The following EIF4B variants were observed in gnomAD, a reference collection of about 807,000 sequenced individuals.
EIF4B encodes the protein eukaryotic translation initiation factor 4B.
Under a neutral mutation model 79.3 loss-of-function variants are expected in EIF4B, and 8 were observed. That is an observed-to-expected ratio of 0.10 (90% CI 0.06 to 0.18). The LOEUF (loss-of-function observed/expected upper bound fraction) is 0.18, where lower values mean the gene tolerates loss of function less well. Among genes scored for constraint, EIF4B ranks in the 10% least tolerant of loss-of-function variants. The probability of loss-of-function intolerance (pLI) is 1.00; values close to 1 mark genes in which losing one functional copy is unlikely to be tolerated. For missense variants in EIF4B, 515 were observed against 792.4 expected, an observed-to-expected ratio of 0.65 and a Z score of 4.20; for synonymous variants, 238 against 274.7, an observed-to-expected ratio of 0.87 and a Z score of 1.32.
intron 10 of EIF4B, 114 bp from the exon 11 acceptor site, chr12:53,037,295 C>G (rs1029700810): frequency 6.1e-6 from 7 of 1,147,390 alleles, no homozygotes; most frequent in Admixed American, 2.4e-5. Flanking sequence ...AGGGATAAAT[C>G]CATCTTTGGG....
chr12:53,022,243 A>G (rs1275930982), intron 5 of EIF4B: 3 of 690,088 alleles, frequency 4.3e-6, no homozygotes, highest in South Asian at 1.5e-5. Context: ...CCTAATTTGT[A>G]TATGTTTCAG....
chr12:53,019,450 C>CTTTTTTTTTTTTTTTTTTTTTT lies in EIF4B; in HGVS notation c.360+447_361-436dup. On this transcript the variant is annotated intron_variant, in intron 3 of 14. Coordinates refer to ENST00000262056, the MANE Select transcript of EIF4B (RefSeq NM_001417.7). ...ATATATATATATATTTTTTTTTTTT[C>CTTTTTTTTTTTTTTTTTTTTTT]TTTTTTTTTTTTTTTTTTTTTTTTG... 9.1e-4 allele frequency among the ~76,000 whole-genome samples: 60 copies of CTTTTTTTTTTTTTTTTTTTTTT among 66,002 alleles called. 6 individuals carry two copies. The highest frequency in any genetic ancestry group is 1.4e-3 in the Non-Finnish European group (45 of 31,888). The allele number at this position is 66,002 out of a possible 152,430, so 43.3% of individuals were successfully genotyped here.
chr12:53,011,433 G>A (rs1262896879), intron 1 of EIF4B, among the ~76,000 whole-genome samples: 1 of 152,106 alleles, frequency 6.6e-6, no homozygotes, highest in African/African-American at 2.4e-5. Context: ...ATGGTTCTCA[G>A]CTAAGGGACA....
chr12:53,032,086 A>G (rs1036189060), intron 8 of EIF4B, among the ~76,000 whole-genome samples: 6 of 152,188 alleles, frequency 3.9e-5, no homozygotes, highest in Non-Finnish European at 5.9e-5. Flanking sequence ...GTTCAGTGTT[A>G]CATGCTTTGC....
chr12:53,009,966 T>A (rs1270037663), intron 1 of EIF4B, among the ~76,000 whole-genome samples: 2 of 152,220 alleles, frequency 1.3e-5, no homozygotes, highest in African/African-American at 4.8e-5. Context: ...AGTAATTATT[T>A]GTAATTAGGT....
intron 6 of EIF4B, among the ~76,000 whole-genome samples, chr12:53,026,549 A>G (rs930996243): frequency 3.9e-5 from 6 of 152,238 alleles, no homozygotes; most frequent in African/African-American, 1.4e-4. Context: ...CATGACTTCA[A>G]ATCTTTTCAT....
intron 10 of EIF4B, among the ~76,000 whole-genome samples, chr12:53,035,658 G>A (rs1943528440): frequency 6.8e-6 from 1 of 147,918 alleles, no homozygotes; most frequent in South Asian, 2.2e-4. Context: ...GTCAGCCACC[G>A]CACCCAGCCT....
At chr12:53,009,447 AT>A (rs1465379256) in intron 1 of EIF4B, among the ~76,000 whole-genome samples, 2 of 151,486 alleles carry the variant, frequency 1.3e-5, no homozygotes, top group African/African-American at 4.9e-5. Context: ...GTGAATTGAG[AT>A]TGCACCACTG....
At chr12:53,035,179 C>A (rs1943518827) in intron 10 of EIF4B, among the ~76,000 whole-genome samples, 1 of 151,540 alleles carries the variant, frequency 6.6e-6, no homozygotes, top group South Asian at 2.1e-4. Flanking sequence ...AATTGTAATA[C>A]CTCCCTTCCC....
chr12:53,029,266 A>T (rs986749468), intron 8 of EIF4B, among the ~76,000 whole-genome samples: 5 of 152,180 alleles, frequency 3.3e-5, no homozygotes, highest in Non-Finnish European at 7.3e-5. Context: ...TACAAATCTA[A>T]CCTGTTATAA....
rs558943934 is a variant in EIF4B at position 53,019,011 on chromosome 12, G to C, written c.360+5G>C. On this transcript the variant is annotated splice_donor_5th_base_variant and intron_variant, in intron 3 of 14. Transcript: ENST00000262056. ...GAATTCTTTCGAGGATTAAATGTAAGTGTAAAAGTTGTAATAATTAACTAG... is the reference window on the plus strand; with the variant it reads ...GAATTCTTTCGAGGATTAAATGTAACTGTAAAAGTTGTAATAATTAACTAG... The C allele has an allele frequency of 6.2e-7, 1 of 1,613,264 alleles. No homozygotes were observed. The highest frequency in any genetic ancestry group is 8.5e-7 in the Non-Finnish European group (1 of 1,179,468).
chr12:53,023,654 G>A (rs1371544908), intron 6 of EIF4B, among the ~76,000 whole-genome samples: 1 of 144,044 alleles, frequency 6.9e-6, no homozygotes, highest in Non-Finnish European at 1.5e-5. Context: ...CATGATCTCA[G>A]GTCACCTCAA....
At chr12:53,027,137 A>AAT (rs1491387300) in intron 6 of EIF4B, among the ~76,000 whole-genome samples, 11 of 25,744 alleles carry the variant, frequency 4.3e-4, no homozygotes, top group African/African-American at 9.0e-4. Flanking sequence ...AAAAAAAAAA[A>AAT]TTTTTTTTTT....
intron 1 of EIF4B, among the ~76,000 whole-genome samples, chr12:53,012,756 C>T (rs981130773): frequency 6.6e-6 from 1 of 151,706 alleles, no homozygotes; most frequent in Non-Finnish European, 1.5e-5. Flanking sequence ...CAGGTGCCCG[C>T]CACCATGCCC....
rs1016833962 is a variant in EIF4B at position 53,041,817 on chromosome 12, T to A, written c.*1594T>A. The A allele has an allele frequency of 1.6e-5, 2 of 127,982 alleles. No individual in the cohort carries two copies. The allele number at this position is 127,982 out of a possible 1,614,324, so 7.9% of individuals were successfully genotyped here. On this transcript the variant is annotated 3_prime_UTR_variant, in exon 15 of 15. Transcript: ENST00000262056. ...TGTGTACCAAGTGAATTTAAATAAT[T>A]GGTGTGGATTGGCCAGTAGCTAAGA...
intron 1 of EIF4B, among the ~76,000 whole-genome samples, chr12:53,010,800 C>T (rs936013419): frequency 2.0e-5 from 3 of 152,000 alleles, no homozygotes; most frequent in African/African-American, 4.8e-5. Flanking sequence ...CTCGAGCTCC[C>T]GACCTCAGGT....
chr12:53,034,746 T>C, intron 10 of EIF4B, 37 bp downstream of exon 10: 1 of 1,611,848 alleles, frequency 6.2e-7, no homozygotes, highest in Non-Finnish European at 8.5e-7. Context: ...GTTATTGCCG[T>C]TTTCCATAAA....
intron 8 of EIF4B, among the ~76,000 whole-genome samples, chr12:53,030,438 T>TTTTTTTTTTTTTTTTTTTTTTTTTTTA (rs71095969): frequency 1.5e-5 from 2 of 130,136 alleles, no homozygotes; most frequent in Non-Finnish European, 3.2e-5. Flanking sequence ...TTTTTTTTTT[T>TTTTTTTTTTTTTTTTTTTTTTTTTTTA]GAGACGGAGT....
At chr12:53,014,471 A>T (rs568371839) in intron 1 of EIF4B, 1 of 152,116 alleles carries the variant, frequency 6.6e-6, no homozygotes, top group Non-Finnish European at 1.5e-5. Context: ...ATCATAAACA[A>T]TACTTTTGGA....
Sources: gnomAD v4.1 joint callset for allele counts (sites outside exome capture counted in the v4.1 genomes callset) on GRCh38, gnomAD v4.1.1 for gene constraint, MANE v1.5 for transcripts, NCBI Gene and HGNC (gene_info 2026-07-23, HGNC 2026-07-21) for gene names.